The following WIPI2 variants were observed in gnomAD, a reference collection of about 807,000 sequenced individuals.
WIPI2 encodes WD repeat domain, phosphoinositide interacting 2.
Under a neutral mutation model 52.3 loss-of-function variants are expected in WIPI2, and 28 were observed. The observed-to-expected ratio is 0.54, with a 90% confidence interval of 0.40 to 0.73. WIPI2 has a LOEUF of 0.73. Among genes scored for constraint, WIPI2 ranks in the 30% least tolerant of loss-of-function variants. WIPI2 has a pLI of 0.00. For synonymous variants in WIPI2, 268 were observed against 245.0 expected, an observed-to-expected ratio of 1.09 and a Z score of -0.88; for missense variants, 506 against 602.9, an observed-to-expected ratio of 0.84 and a Z score of 1.68.
intron 2 of WIPI2, among the ~76,000 whole-genome samples, chr7:5,198,008 G>A (rs142844407): frequency 6.6e-6 from 1 of 152,350 alleles, no homozygotes; most frequent in East Asian, 1.9e-4. Context: ...CGAGGCCCCT[G>A]CTGGGAGGGG....
At chr7:5,208,729 G>C (rs1378621745) in intron 3 of WIPI2, among the ~76,000 whole-genome samples, 1 of 152,076 alleles carries the variant, frequency 6.6e-6, no homozygotes, top group Non-Finnish European at 1.5e-5. Flanking sequence ...TGTGACCTGT[G>C]AGTCTGTTTC....
In WIPI2 at chr7:5,227,285, A is replaced by G. The variant is rs1264783392; in HGVS notation, c.954A>G (p.Arg318=). Residue 318 remains arginine (R), a synonymous_variant, in exon 10 of 13, where the codon AGA becomes AGG. Coordinates refer to ENST00000288828, the MANE Select transcript of WIPI2 (RefSeq NM_015610.4). This position sits in a 1 kb window ranked among gnomAD's most constrained non-coding sequence, Gnocchi z 8.1. ...SQVTEMFNQG[R]AFATVRLPFC... ...TGACAGAAATGTTCAACCAGGGCAG[A>G]GCCTTCGCCACGGTCCGCCTGCCAT... The G allele has an allele frequency of 6.2e-7, 1 of 1,613,322 alleles. No homozygotes were observed. The highest frequency in any genetic ancestry group is 1.3e-5 in the African/African-American group (1 of 74,914).
chr7:5,191,740 T>C (rs1781494621), intron 1 of WIPI2, among the ~76,000 whole-genome samples: 1 of 152,166 alleles, frequency 6.6e-6, no homozygotes, highest in Non-Finnish European at 1.5e-5. Context: ...TGTTACTGGC[T>C]GAGTGGAATT....
chr7:5,222,860 C>T, intron 8 of WIPI2, 188 bp downstream of exon 8: 1 of 576,692 alleles, frequency 1.7e-6, no homozygotes, highest in South Asian at 2.0e-5. Flanking sequence ...TTCAGAAAAG[C>T]AAATTGGGTT....
At chr7:5,214,315 G>C (rs773631205) in intron 3 of WIPI2, 2 of 1,551,788 alleles carry the variant, frequency 1.3e-6, no homozygotes, top group South Asian at 1.2e-5. Flanking sequence ...GAATGCTCGT[G>C]AGGGGCCATC....
Position 5,231,453 on chromosome 7 carries a change from G to T in WIPI2, c.*506G>T, listed in dbSNP as rs1027546161. 6.5e-6 allele frequency: 1 copy of T among 152,686 alleles called. No individual in the cohort carries two copies. The allele number at this position is 152,686 out of a possible 1,614,324, so 9.5% of individuals were successfully genotyped here. A position where few individuals can be genotyped will look rare whatever the true frequency, so the allele number is the denominator to read the frequency against. ...CAGACTTCAGCTGGGACAGAAGTCC[G>T]ATCTCCCTAGGGCCCCACCTGGACC... is the stretch of plus-strand genomic sequence containing the variant. On this transcript the variant is annotated 3_prime_UTR_variant, in exon 13 of 13. Coordinates refer to ENST00000288828, the MANE Select transcript of WIPI2 (RefSeq NM_015610.4).
rs1002844472 is a variant in WIPI2, at chr7:5,217,421, C to G, written c.576+234C>G. On this transcript the variant is annotated intron_variant, in intron 6 of 12. Coordinates refer to ENST00000288828, the MANE Select transcript of WIPI2 (RefSeq NM_015610.4). The stretch of plus-strand genomic sequence containing the variant: ...CTGGGCTCAATTGATCCTCCTGCCT[C>G]AGCCTCCCGAGGAGTTACAGTCATG... The G allele has an allele frequency of 5.8e-6, 3 of 516,562 alleles. No individual in the cohort carries two copies. In the East Asian group the frequency reaches 1.1e-4, roughly 19 times the overall value. The allele number at this position is 516,562 out of a possible 1,614,324, so 32.0% of individuals were successfully genotyped here.
At chr7:5,222,518 G>A (rs1783192419) in intron 7 of WIPI2, 84 bp from the exon 8 acceptor site, 1 of 1,381,492 alleles carries the variant, frequency 7.2e-7, no homozygotes, top group African/African-American at 1.4e-5. Context: ...ATAGCCGTGT[G>A]GCGCATTTGC....
rs1218223973 is a variant in WIPI2 at position 5,190,441 on chromosome 7, G to T, written c.22G>T (p.Gly8Trp). Reference protein sequence around the residue: MNLASQSGEAGAGQLLFA... With the variant: MNLASQSWEAGAGQLLFA... ...AGCCATGAACCTGGCGAGCCAGAGC[G>T]GGGAGGCCGGCGCCGGCCAGCTGCT... Residue 8 changes from glycine (G) to tryptophan (W), a missense_variant, in exon 1 of 13, where the codon GGG (glycine) becomes TGG (tryptophan). Gly to Trp is a radical substitution (Grantham distance 184). Transcript: ENST00000288828. 1.3e-6 allele frequency: 2 copies of T among 1,487,370 alleles called. No homozygotes were observed. The highest frequency in any genetic ancestry group is 1.3e-5 in the South Asian group (1 of 77,362). The allele number at this position is 1,487,370 out of a possible 1,614,324, so 92.1% of individuals were successfully genotyped here.
At position 5,227,313 on chromosome 7, in the gene WIPI2, T is replaced by A; in HGVS notation, c.982T>A (p.Cys328Ser). 6.2e-7 allele frequency: 1 copy of A among 1,613,844 alleles called. No individual in the cohort carries two copies. Among genetic ancestry groups the A allele is most frequent in the Non-Finnish European group, 8.5e-7 (1 of 1,180,034 alleles). Reference sequence around the variant, plus strand: ...CTTCGCCACGGTCCGCCTGCCATTCTGCGGCCACAAAAACATCTGCTCGCT... The same window carrying A: ...CTTCGCCACGGTCCGCCTGCCATTCAGCGGCCACAAAAACATCTGCTCGCT... ...RAFATVRLPF[C>S]GHKNICSLAT... Residue 328 changes from cysteine (C) to serine (S), a missense_variant, in exon 10 of 13, where the codon TGC becomes AGC. Physicochemically the swap from Cys to Ser is moderately radical, Grantham distance 112. This residue lies in a region of WIPI2 where 237 missense variants were observed against 346.9 expected (regional missense o/e 0.68). Transcript: ENST00000288828. The surrounding 1 kb of genome is among the most constrained non-coding windows in gnomAD (Gnocchi z 8.1).
At position 5,216,170 on chromosome 7, in the gene WIPI2, C is replaced by G. The variant is rs942151560; in HGVS notation, c.382-393C>G. Reference sequence around the variant, plus strand: ...TTCTAACATTGGTCTGCATGGTGTTCTAGAAGGAACTAAGATTGTGAAGCC... The same window carrying G: ...TTCTAACATTGGTCTGCATGGTGTTGTAGAAGGAACTAAGATTGTGAAGCC... On this transcript the variant is annotated intron_variant, in intron 4 of 12. Coordinates refer to ENST00000288828, the MANE Select transcript of WIPI2 (RefSeq NM_015610.4). 5 of 173,446 alleles carry G rather than the reference C, an allele frequency of 2.9e-5. No homozygotes were observed. In the South Asian group the frequency reaches 5.7e-4, roughly 20 times the overall value. The allele number at this position is 173,446 out of a possible 1,614,324, so 10.7% of individuals were successfully genotyped here. A position where few individuals can be genotyped will look rare whatever the true frequency, so the allele number is the denominator to read the frequency against.
At chr7:5,201,757 AAAT>A (rs1782038522) in intron 3 of WIPI2, among the ~76,000 whole-genome samples, 1 of 152,144 alleles carries the variant, frequency 6.6e-6, no homozygotes, top group South Asian at 2.1e-4. Flanking sequence ...AAATAATAAA[AAAT>A]AAAGAGTGGA....
chr7:5,207,262 T>C (rs1020378007), intron 3 of WIPI2, among the ~76,000 whole-genome samples: 4 of 152,216 alleles, frequency 2.6e-5, no homozygotes, highest in African/African-American at 9.6e-5. Context: ...ACTGAAACCC[T>C]ATCAAGGTTT....
At chr7:5,217,050 G>A (rs565086901) in intron 5 of WIPI2, 40 bp from the exon 6 acceptor site, 2 of 1,579,400 alleles carry the variant, frequency 1.3e-6, no homozygotes, top group South Asian at 2.2e-5. Context: ...GGAACTCTCA[G>A]GTGGAAGTTT....
chr7:5,208,227 T>G (rs1782385356), intron 3 of WIPI2, among the ~76,000 whole-genome samples: 1 of 152,230 alleles, frequency 6.6e-6, no homozygotes, highest in Non-Finnish European at 1.5e-5. Context: ...CTGTGACATG[T>G]CTGTTCCAGT....
intron 3 of WIPI2, among the ~76,000 whole-genome samples, chr7:5,205,370 T>G (rs1345323604): frequency 6.6e-6 from 1 of 152,228 alleles, no homozygotes; most frequent in Non-Finnish European, 1.5e-5. Flanking sequence ...TCTCCTACTT[T>G]TGGTTACTGA....
chr7:5,214,520 C>T lies in WIPI2; in HGVS notation c.212-15C>T. 1.2e-6 allele frequency: 2 copies of T among 1,614,190 alleles called. No individual in the cohort carries two copies. Among genetic ancestry groups the T allele is most frequent in the Non-Finnish European group, 1.7e-6 (2 of 1,180,042 alleles). ...GTGGAGATGTTCACGCATGTACTTC[C>T]CTTTGTGATTTCAGCCGATACGGAA... On this transcript the variant is annotated splice_polypyrimidine_tract_variant and intron_variant, in intron 3 of 12. Coordinates refer to ENST00000288828, the MANE Select transcript of WIPI2 (RefSeq NM_015610.4).
chr7:5,205,007 G>A (rs953604064), intron 3 of WIPI2, among the ~76,000 whole-genome samples: 2 of 151,740 alleles, frequency 1.3e-5, no homozygotes, highest in Non-Finnish European at 2.9e-5. Context: ...ACGGAGTCTC[G>A]CTGTATCATC....
chr7:5,205,751 A>T (rs1316732848), intron 3 of WIPI2, among the ~76,000 whole-genome samples: 1 of 151,470 alleles, frequency 6.6e-6, no homozygotes, highest in Non-Finnish European at 1.5e-5. Context: ...CAAGTGATCC[A>T]CCTGCCTCTG....
Sources: gnomAD v4.1 joint callset for allele counts (sites outside exome capture counted in the v4.1 genomes callset) on GRCh38, gnomAD v4.1.1 for gene constraint, gnomAD v4.1.1 regional missense constraint, Gnocchi (gnomAD v3.1) non-coding constraint, MANE v1.5 for transcripts, NCBI Gene and HGNC (gene_info 2026-07-23, HGNC 2026-07-21) for gene names.